The following COMMD2 variants were observed in gnomAD, a reference collection of about 807,000 sequenced individuals.
COMMD2 encodes the protein COMM domain-containing protein 2.
COMMD2 carries 25 observed loss-of-function variants against 22.5 expected under a neutral mutation model. That is an observed-to-expected ratio of 1.11 (90% CI 0.81 to 1.55). The LOEUF is 1.55. COMMD2 is among the 40% of genes most tolerant of loss of function. The pLI is 0.00. For missense variants in COMMD2, 223 were observed against 232.9 expected, an observed-to-expected ratio of 0.96 and a Z score of 0.28; for synonymous variants, 98 against 91.2, an observed-to-expected ratio of 1.07 and a Z score of -0.42.
rs778098519 is a variant in COMMD2, at chr3:149,752,465, A to ACCCGGCAGCGCCGAC, written c.-36_-22dup. On this transcript the variant is annotated 5_prime_UTR_variant, in exon 1 of 5. Coordinates refer to ENST00000473414, the MANE Select transcript of COMMD2 (RefSeq NM_016094.4). ...AGCATCTTCACTGTCCTACGATTTC[A>ACCCGGCAGCGCCGAC]CCCGGCAGCGCCGACCCCGCCTTCG... 12 of 1,604,174 alleles carry ACCCGGCAGCGCCGAC rather than the reference A, an allele frequency of 7.5e-6. 1 individual carries two copies. In the South Asian group the frequency reaches 1.3e-4, roughly 18 times the overall value.
In COMMD2 at chr3:149,751,497, A is replaced by G; in HGVS notation, c.146-12T>C. 6.3e-7 allele frequency: 1 copy of G among 1,577,916 alleles called. No homozygotes were observed. The highest frequency in any genetic ancestry group is 8.6e-7 in the Non-Finnish European group (1 of 1,162,538). Reference sequence around the variant, plus strand: ...CACATTGAGTTTTCCTGAGAAAGAAAAGTAAAAACGAGCAAATAAATTACT... The same window carrying G: ...CACATTGAGTTTTCCTGAGAAAGAAGAGTAAAAACGAGCAAATAAATTACT... On this transcript the variant is annotated splice_polypyrimidine_tract_variant and intron_variant, in intron 2 of 4. Transcript: ENST00000473414.
At chr3:149,746,547 A>G (rs1442424910) in intron 4 of COMMD2, among the ~76,000 whole-genome samples, 1 of 151,982 alleles carries the variant, frequency 6.6e-6, no homozygotes, top group Non-Finnish European at 1.5e-5. Context: ...CAAGGCGGGC[A>G]GATCACAAGA....
intron 4 of COMMD2, among the ~76,000 whole-genome samples, chr3:149,746,443 AC>A (rs1268286096): frequency 6.6e-6 from 1 of 152,130 alleles, no homozygotes; most frequent in Non-Finnish European, 1.5e-5. Context: ...GTCCTTTCTC[AC>A]ACTGTTATGA....
chr3:149,745,339 T>C (rs1181160623), intron 4 of COMMD2, among the ~76,000 whole-genome samples: 1 of 152,210 alleles, frequency 6.6e-6, no homozygotes, highest in Non-Finnish European at 1.5e-5. Flanking sequence ...TAACTCCCCC[T>C]GCCACCCACT....
chr3:149,748,049 T>C (rs967113752), intron 4 of COMMD2, among the ~76,000 whole-genome samples: 1 of 150,724 alleles, frequency 6.6e-6, no homozygotes, highest in African/African-American at 2.4e-5. Context: ...TTTCTGACTG[T>C]GCACAGAAGG....
intron 4 of COMMD2, among the ~76,000 whole-genome samples, chr3:149,747,705 G>A (rs1716417671): frequency 6.6e-6 from 1 of 152,192 alleles, no homozygotes; most frequent in South Asian, 2.1e-4. Context: ...GGGAGGCTGA[G>A]GCAGGTGGAT....
chr3:149,747,000 T>C (rs945573699), intron 4 of COMMD2, among the ~76,000 whole-genome samples: 1 of 152,136 alleles, frequency 6.6e-6, no homozygotes, highest in Non-Finnish European at 1.5e-5. Flanking sequence ...AAACTGCTCC[T>C]ATGACTCAAT....
rs180759875 is a variant in COMMD2, at chr3:149,746,732, G to A, written c.402+3946C>T. ...TGGGAGGCGGAGCTTGCAGTGAGCC[G>A]AGATTGCACCACTGCACTCCAGCCT... On this transcript the variant is annotated intron_variant, in intron 4 of 4. Transcript: ENST00000473414. Among the ~76,000 whole-genome samples the A allele has an allele frequency of 4.3e-3, 661 of 152,254 alleles. 18 individuals are homozygous for A. The highest frequency in any genetic ancestry group is 0.038 in the Admixed American group (579 of 15,294).
chr3:149,743,330 G>T (rs1437318333), intron 4 of COMMD2, among the ~76,000 whole-genome samples: 2 of 152,122 alleles, frequency 1.3e-5, no homozygotes, highest in Non-Finnish European at 2.9e-5. Flanking sequence ...TAGCTGACTT[G>T]AAGTCTAGGA....
At chr3:149,742,638 G>C (rs1386982198) in intron 4 of COMMD2, among the ~76,000 whole-genome samples, 1 of 152,034 alleles carries the variant, frequency 6.6e-6, no homozygotes, top group Non-Finnish European at 1.5e-5. Context: ...AAAATATACA[G>C]TTTGGTGACA....
chr3:149,747,947 CAAAAAA>C lies in COMMD2; in HGVS notation c.402+2725_402+2730del, dbSNP rs35936225. Among the ~76,000 whole-genome samples the C allele has an allele frequency of 8.9e-5, 5 of 55,998 alleles. No individual in the cohort carries two copies. The South Asian group carries it at 3.5e-3, about 39-fold the overall frequency. 36.7% of individuals were successfully genotyped at this position (55,998 alleles called of 152,430 possible). The stretch of plus-strand genomic sequence containing the variant: ...TGGGCGACTGAGCAAGACTCCATCT[CAAAAAA>C]AAAAAAAAAAAAAAAAAAGGCTTAG... On this transcript the variant is annotated intron_variant, in intron 4 of 4. Coordinates refer to ENST00000473414, the MANE Select transcript of COMMD2 (RefSeq NM_016094.4).
At chr3:149,742,797 T>A (rs1716269641) in intron 4 of COMMD2, among the ~76,000 whole-genome samples, 1 of 151,744 alleles carries the variant, frequency 6.6e-6, no homozygotes, top group African/African-American at 2.4e-5. Context: ...TGAAACCCTG[T>A]CTCTACTAAA....
rs1716158150 is a variant in COMMD2 at position 149,739,694 on chromosome 3, G to C, written c.*1827C>G. 1.3e-5 allele frequency: 2 copies of C among 152,146 alleles called. No homozygotes were observed. The highest frequency in any genetic ancestry group is 2.4e-5 in the African/African-American group (1 of 41,444). The allele number at this position is 152,146 out of a possible 1,614,324, so 9.4% of individuals were successfully genotyped here. On this transcript the variant is annotated 3_prime_UTR_variant, in exon 5 of 5. Coordinates refer to ENST00000473414, the MANE Select transcript of COMMD2 (RefSeq NM_016094.4). Reference sequence around the variant, plus strand: ...TTATCATATGTTTTGCAGGCATGTTGCTTTTAAACCCAATGACATATGCTA... The same window carrying C: ...TTATCATATGTTTTGCAGGCATGTTCCTTTTAAACCCAATGACATATGCTA...
intron 4 of COMMD2, chr3:149,750,350 G>A (rs1192130269): frequency 2.3e-6 from 1 of 442,846 alleles, no homozygotes; most frequent in Admixed American, 2.6e-5. Flanking sequence ...ATAATTCATT[G>A]AGCGGTACAT....
intron 4 of COMMD2, among the ~76,000 whole-genome samples, chr3:149,749,788 T>C: frequency 6.6e-6 from 1 of 150,508 alleles, no homozygotes; most frequent in South Asian, 2.1e-4. Flanking sequence ...CAACTACACG[T>C]GTTGTTGTTG....
At chr3:149,752,345 A>G (rs776314530) in intron 1 of COMMD2, 33 bp downstream of exon 1, 2 of 1,614,016 alleles carry the variant, frequency 1.2e-6, no homozygotes, top group Non-Finnish European at 1.7e-6. Context: ...CCTCCTCCCC[A>G]GCCCACAGAA....
chr3:149,748,070 T>C (rs1716427047), intron 4 of COMMD2, among the ~76,000 whole-genome samples: 1 of 151,698 alleles, frequency 6.6e-6, no homozygotes, highest in Admixed American at 6.6e-5. Flanking sequence ...GAATAATCGA[T>C]TCAGTAGAGG....
rs1178023458 is a variant in COMMD2, at chr3:149,741,483, A to T, written c.*38T>A. On this transcript the variant is annotated 3_prime_UTR_variant, in exon 5 of 5. Coordinates refer to ENST00000473414, the MANE Select transcript of COMMD2 (RefSeq NM_016094.4). The stretch of plus-strand genomic sequence containing the variant: ...AGTAATTGCTGTATATCATCAATTC[A>T]TAAGTGATTCAAATGAATTAAAACC... 1 of 1,510,510 alleles carries T rather than the reference A, an allele frequency of 6.6e-7. No individual in the cohort carries two copies. The highest frequency in any genetic ancestry group is 1.4e-5 in the African/African-American group (1 of 72,344). 93.6% of individuals were successfully genotyped at this position (1,510,510 alleles called of 1,614,324 possible).
At chr3:149,745,081 G>A (rs1426630607) in intron 4 of COMMD2, among the ~76,000 whole-genome samples, 5 of 152,046 alleles carry the variant, frequency 3.3e-5, no homozygotes, top group Admixed American at 2.0e-4. Flanking sequence ...CAAGAGAGAC[G>A]TAAAGATCTA....
Sources: allele counts gnomAD v4.1 joint callset (sites outside exome capture counted in the v4.1 genomes callset), GRCh38; gene constraint gnomAD v4.1.1; transcripts MANE v1.5; gene names NCBI Gene and HGNC (gene_info 2026-07-23, HGNC 2026-07-21).